The following AFF2 variants were observed in gnomAD, a reference collection of about 807,000 sequenced individuals.
AFF2 encodes the protein AF4/FMR2 family member 2.
A neutral mutation model predicts 76.9 loss-of-function variants in AFF2; 14 were observed. That is an observed-to-expected ratio of 0.18 (90% CI 0.12 to 0.28). AFF2 has a LOEUF of 0.28. Among genes scored for constraint, AFF2 ranks in the 10% least tolerant of loss-of-function variants. The probability of loss-of-function intolerance (pLI) is 1.00; values close to 1 mark genes in which losing one functional copy is unlikely to be tolerated. For synonymous variants in AFF2, 398 were observed against 366.7 expected (o/e 1.09, Z -0.98); for missense variants, 868 against 1,001.1 (o/e 0.87, Z 1.79).
At chrX:148,610,384 T>C (rs1812594577) in intron 1 of AFF2, among the ~76,000 whole-genome samples, 1 of 111,855 alleles carries the variant, frequency 8.9e-6, no homozygotes, top group Non-Finnish European at 1.9e-5. Flanking sequence ...GCCCTCTTAG[T>C]ATTCCATATT....
intron 3 of AFF2, among the ~76,000 whole-genome samples, chrX:148,765,299 GT>G (rs2069500349): frequency 9.0e-6 from 1 of 111,375 alleles, no homozygotes; most frequent in Non-Finnish European, 1.9e-5. Context: ...GTAGTAGTGG[GT>G]TTGGCTGTTT....
chrX:148,635,621 G>A (rs1295311723), intron 1 of AFF2, among the ~76,000 whole-genome samples: 13 of 111,744 alleles, frequency 1.2e-4, no homozygotes, highest in African/African-American at 3.6e-4. Flanking sequence ...AATAAGTGAC[G>A]TTGAAGAGAA....
In AFF2 at chrX:148,534,527, T is replaced by C. The variant is rs2052761951; in HGVS notation, c.47+33383T>C. Among the ~76,000 whole-genome samples the C allele has an allele frequency of 2.7e-5, 3 of 112,797 alleles. No individual in the cohort carries two copies. The South Asian group carries it at 1.1e-3, about 41-fold the overall frequency. On this transcript the variant is annotated intron_variant, in intron 1 of 20. Transcript: ENST00000370460. ...TTCCAGAACTATCCATGTTGAGCTA[T>C]GCAACCATGGACATGTCACATAGTT... is the stretch of plus-strand genomic sequence containing the variant.
intron 3 of AFF2, among the ~76,000 whole-genome samples, chrX:148,768,274 T>C (rs972398026): frequency 1.1e-4 from 12 of 109,601 alleles, no homozygotes; most frequent in Non-Finnish European, 5.7e-5. Flanking sequence ...ATGGCTACTA[T>C]GGCATCTATC....
chrX:148,667,206 T>A (rs782312602), intron 3 of AFF2, among the ~76,000 whole-genome samples: 2 of 112,631 alleles, frequency 1.8e-5, no homozygotes, highest in Non-Finnish European at 3.7e-5. Context: ...GTCAACCAGC[T>A]GAAAAATTAT....
At chrX:148,655,436 C>T (rs1043745745) in intron 2 of AFF2, among the ~76,000 whole-genome samples, 1 of 110,248 alleles carries the variant, frequency 9.1e-6, no homozygotes, top group Admixed American at 9.6e-5. Flanking sequence ...CCACCATGTC[C>T]GACTAATTTT....
intron 3 of AFF2, among the ~76,000 whole-genome samples, chrX:148,709,214 ACT>A (rs2054927392): frequency 8.9e-6 from 1 of 112,056 alleles, no homozygotes; most frequent in East Asian, 2.8e-4. Flanking sequence ...TCAATAAAAT[ACT>A]AAAAAAATTT....
At chrX:148,892,880 T>C (rs2071239823) in intron 8 of AFF2, among the ~76,000 whole-genome samples, 1 of 111,948 alleles carries the variant, frequency 8.9e-6, no homozygotes, top group African/African-American at 3.2e-5. Context: ...GCAGAAAGGC[T>C]GGGGAAAGCC....
chrX:148,831,354 T>A (rs1301556920), intron 4 of AFF2, among the ~76,000 whole-genome samples: 1 of 112,343 alleles, frequency 8.9e-6, no homozygotes, highest in Non-Finnish European at 1.9e-5. Flanking sequence ...AAATGTCCAT[T>A]AAATCTTCAC....
intron 3 of AFF2, among the ~76,000 whole-genome samples, chrX:148,671,508 G>A (rs2054423359): frequency 9.0e-6 from 1 of 111,478 alleles, no homozygotes; most frequent in Non-Finnish European, 1.9e-5. Flanking sequence ...CTAACTCATT[G>A]GTGGGGTTGC....
At chrX:148,940,409 A>G (rs2124319601) in intron 9 of AFF2, among the ~76,000 whole-genome samples, 1 of 112,372 alleles carries the variant, frequency 8.9e-6, no homozygotes, top group South Asian at 3.7e-4. Flanking sequence ...GAAGTGGTTG[A>G]CCACAAATGT....
At chrX:148,781,223 C>T (rs1167891685) in intron 3 of AFF2, among the ~76,000 whole-genome samples, 1 of 112,126 alleles carries the variant, frequency 8.9e-6, no homozygotes, top group Admixed American at 9.4e-5. Context: ...CTTGAGGAGG[C>T]AGTCTGTCCC....
intron 3 of AFF2, among the ~76,000 whole-genome samples, chrX:148,714,701 C>G (rs1246033527): frequency 9.0e-6 from 1 of 111,611 alleles, no homozygotes; most frequent in Non-Finnish European, 1.9e-5. Context: ...TCGATAGTCT[C>G]CTTCCTCCTA....
rs1352738950 is a variant in AFF2 at position 148,953,570 on chromosome X, T to G, written c.1398-10T>G. On this transcript the variant is annotated splice_polypyrimidine_tract_variant and intron_variant, in intron 9 of 20. Transcript: ENST00000370460. The stretch of plus-strand genomic sequence containing the variant: ...AAATGAGGCAATGAATTATGTTGTT[T>G]TTCTTTCAGCCCACCCTTGGCCACT... 3 of 1,198,322 alleles carry G rather than the reference T, an allele frequency of 2.5e-6. No individual in the cohort carries two copies. In the African/African-American group the frequency reaches 5.3e-5, roughly 21 times the overall value.
chrX:148,777,328 T>G (rs1557268665), intron 3 of AFF2, among the ~76,000 whole-genome samples: 1 of 112,188 alleles, frequency 8.9e-6, no homozygotes, highest in Non-Finnish European at 1.9e-5. Context: ...AGGATTGTCT[T>G]GGCTATACGG....
At chrX:148,756,475 T>C (rs1361093550) in intron 3 of AFF2, among the ~76,000 whole-genome samples, 1 of 112,373 alleles carries the variant, frequency 8.9e-6, no homozygotes, top group African/African-American at 3.2e-5. Context: ...TTTCATTTGA[T>C]AGTGGTGATT....
intron 8 of AFF2, among the ~76,000 whole-genome samples, chrX:148,897,326 A>G (rs2124186644): frequency 1.1e-5 from 1 of 87,251 alleles, no homozygotes; most frequent in East Asian, 3.8e-4. Context: ...ATACATATAT[A>G]TATCCATATG....
chrX:148,694,024 A>G lies in AFF2; in HGVS notation c.1041+31256A>G, dbSNP rs782393584. Among the ~76,000 whole-genome samples, 7 of 110,607 alleles carry G rather than the reference A, an allele frequency of 6.3e-5. No individual in the cohort carries two copies. In the South Asian group the frequency reaches 2.0e-3, roughly 31 times the overall value. ...ATGAGTTCATGTCCTTTGTAGGGAC[A>G]TGGATGAAATTGGAAATCATCATTC... is the stretch of plus-strand genomic sequence containing the variant. On this transcript the variant is annotated intron_variant, in intron 3 of 20. Coordinates refer to ENST00000370460, the MANE Select transcript of AFF2 (RefSeq NM_002025.4).
Position 148,966,957 on chromosome X carries a change from C to G in AFF2, c.3081C>G (p.Thr1027=), listed in dbSNP as rs797045220. ...CTACCACTACCATTTCCACCATCAC[C>G]TCTACCATCACTACTGGCCTCATGG... ...TTTTTTISTI[T]STITTGLMDS... is the part of the protein sequence containing the mutation. Residue 1027 remains threonine (T), a synonymous_variant, in exon 14 of 21, where the codon ACC becomes ACG. Transcript: ENST00000370460. The G allele has an allele frequency of 1.7e-6, 2 of 1,209,562 alleles. No individual in the cohort carries two copies. Among genetic ancestry groups the G allele is most frequent in the South Asian group, 1.8e-5 (1 of 56,734 alleles).
Sources: allele counts gnomAD v4.1 joint callset (sites outside exome capture counted in the v4.1 genomes callset), GRCh38; gene constraint gnomAD v4.1.1; transcripts MANE v1.5; gene names NCBI Gene and HGNC (gene_info 2026-07-23, HGNC 2026-07-21).